Variants in KPNA5 observed in about 807,000 individuals in gnomAD.
The protein encoded by KPNA5 is importin subunit alpha-6.
In KPNA5, 46 loss-of-function variants were observed where a neutral mutation model predicts 71.3. That is an observed-to-expected ratio of 0.65 (90% CI 0.51 to 0.83). The LOEUF is 0.83. KPNA5 is among the 40% of genes least tolerant of loss of function. The pLI is 0.00. For missense variants in KPNA5, 547 were observed against 628.3 expected (o/e 0.87, Z 1.38); for synonymous variants, 207 against 201.4 (o/e 1.03, Z -0.24).
At chr6:116,723,691 G>T (rs1779198405) in intron 9 of KPNA5, among the ~76,000 whole-genome samples, 1 of 151,754 alleles carries the variant, frequency 6.6e-6, no homozygotes, top group African/African-American at 2.4e-5. Context: ...GATAGTATTA[G>T]AAATACATCA....
chr6:116,683,949 C>T (rs1427390246), intron 1 of KPNA5, among the ~76,000 whole-genome samples: 1 of 106,758 alleles, frequency 9.4e-6, no homozygotes, highest in Non-Finnish European at 1.8e-5. Flanking sequence ...CTTGCTCTGT[C>T]TCCCAGGCTG....
chr6:116,686,983 T>G (rs981530213), intron 1 of KPNA5, among the ~76,000 whole-genome samples: 1 of 152,252 alleles, frequency 6.6e-6, no homozygotes, highest in African/African-American at 2.4e-5. Flanking sequence ...AACTTTGTTC[T>G]TTTTGCTTAG....
intron 1 of KPNA5, among the ~76,000 whole-genome samples, chr6:116,686,978 T>C (rs1777614199): frequency 6.6e-6 from 1 of 152,230 alleles, no homozygotes; most frequent in Non-Finnish European, 1.5e-5. Context: ...CCTCCAACTT[T>C]GTTCTTTTTG....
At chr6:116,688,121 C>CT (rs1647848064) in intron 1 of KPNA5, among the ~76,000 whole-genome samples, 1 of 152,054 alleles carries the variant, frequency 6.6e-6, no homozygotes, top group African/African-American at 2.4e-5. Flanking sequence ...TTTCTCTTTC[C>CT]TGTTTTTCCT....
chr6:116,728,178 C>T (rs1458305772), intron 12 of KPNA5, among the ~76,000 whole-genome samples: 1 of 151,678 alleles, frequency 6.6e-6, no homozygotes, highest in Non-Finnish European at 1.5e-5. Flanking sequence ...AAATGAAGAC[C>T]CTTCCTTTGT....
At chr6:116,695,839 A>T (rs1363979045) in intron 4 of KPNA5, among the ~76,000 whole-genome samples, 3 of 152,142 alleles carry the variant, frequency 2.0e-5, no homozygotes, top group Non-Finnish European at 4.4e-5. Flanking sequence ...TTATTTTGAC[A>T]TACATGTCAT....
rs556747063 is a variant in KPNA5, at chr6:116,681,463, G to T, written c.4+125G>T. On this transcript the variant is annotated intron_variant, in intron 1 of 13. Coordinates refer to ENST00000368564, the MANE Select transcript of KPNA5 (RefSeq NM_001366306.2). ...TTTGCGAAGGTCTCTGGAACCTGGCGGTGCCGGGTGTTTCTCGTGTTTTCC... is the reference window on the plus strand; with the variant it reads ...TTTGCGAAGGTCTCTGGAACCTGGCTGTGCCGGGTGTTTCTCGTGTTTTCC... 1,268 of 1,406,666 alleles carry T rather than the reference G, an allele frequency of 9.0e-4. 3 individuals carry two copies. Among genetic ancestry groups the T allele is most frequent in the Admixed American group, 1.4e-3 (42 of 29,606 alleles). The allele number at this position is 1,406,666 out of a possible 1,614,324, so 87.1% of individuals were successfully genotyped here.
chr6:116,724,501 C>G (rs888687108), intron 10 of KPNA5, 126 bp downstream of exon 10: 2 of 606,688 alleles, frequency 3.3e-6, no homozygotes, highest in Non-Finnish European at 6.0e-6. Context: ...GTGTCTGTAT[C>G]TGTGTCTTGG....
intron 5 of KPNA5, 148 bp downstream of exon 5, chr6:116,698,946 T>G: frequency 2.2e-6 from 1 of 452,496 alleles, no homozygotes; most frequent in Non-Finnish European, 3.9e-6. Context: ...TATCTTGTCT[T>G]GGACACGGTT....
chr6:116,691,310 G>A (rs1356395341), intron 2 of KPNA5, among the ~76,000 whole-genome samples: 1 of 152,104 alleles, frequency 6.6e-6, no homozygotes, highest in Non-Finnish European at 1.5e-5. Context: ...TAAGAGATGG[G>A]GTCTTGCTGT....
At chr6:116,694,880 T>C (rs1212502871) in intron 4 of KPNA5, among the ~76,000 whole-genome samples, 1 of 152,206 alleles carries the variant, frequency 6.6e-6, no homozygotes, top group Non-Finnish European at 1.5e-5. Flanking sequence ...GAATACACTG[T>C]ATTAATTTAT....
At position 116,725,952 on chromosome 6, in the gene KPNA5, T is replaced by TA. The variant is rs1193056580; in HGVS notation, c.1125+82dup. On this transcript the variant is annotated intron_variant, in intron 11 of 13. Coordinates refer to ENST00000368564, the MANE Select transcript of KPNA5 (RefSeq NM_001366306.2). ...TTTGGACAAAAGTTAACACTTTTAC[T>TA]AAAAAAGATTCCTTTTTAAAAAGAT... 6.1e-6 allele frequency: 9 copies of TA among 1,476,936 alleles called. No homozygotes were observed. In the South Asian group the frequency reaches 9.0e-5, roughly 15 times the overall value. 91.5% of individuals were successfully genotyped at this position (1,476,936 alleles called of 1,614,324 possible).
At chr6:116,722,788 A>G (rs1054836993) in intron 9 of KPNA5, among the ~76,000 whole-genome samples, 7 of 152,354 alleles carry the variant, frequency 4.6e-5, no homozygotes, top group African/African-American at 1.7e-4. Context: ...CAGCTTTTCT[A>G]TACAAAGAAG....
At chr6:116,684,623 T>C (rs1178488529) in intron 1 of KPNA5, among the ~76,000 whole-genome samples, 1 of 152,226 alleles carries the variant, frequency 6.6e-6, no homozygotes, top group Non-Finnish European at 1.5e-5. Flanking sequence ...TTTCTTTTGC[T>C]CTTGCCTTTT....
chr6:116,692,219 C>T, intron 3 of KPNA5, 63 bp downstream of exon 3: 1 of 1,433,314 alleles, frequency 7.0e-7, no homozygotes. Flanking sequence ...GTATGTATAA[C>T]AAATATTTAT....
chr6:116,710,477 TA>T (rs1214576496), intron 7 of KPNA5, among the ~76,000 whole-genome samples: 2 of 152,170 alleles, frequency 1.3e-5, no homozygotes, highest in Non-Finnish European at 2.9e-5. Context: ...CAATGTGAAA[TA>T]AGCACATAAT....
At chr6:116,689,038 G>C (rs1777694465) in intron 1 of KPNA5, among the ~76,000 whole-genome samples, 1 of 152,152 alleles carries the variant, frequency 6.6e-6, no homozygotes, top group East Asian at 1.9e-4. Flanking sequence ...GGGCTAGGGA[G>C]ACAGGAAAGG....
intron 1 of KPNA5, among the ~76,000 whole-genome samples, chr6:116,687,318 T>A (rs893363633): frequency 2.6e-5 from 4 of 152,198 alleles, no homozygotes; most frequent in African/African-American, 9.6e-5. Context: ...CTACATGCTG[T>A]ATGAATCCAC....
At chr6:116,699,429 A>G (rs922428264) in intron 5 of KPNA5, among the ~76,000 whole-genome samples, 3 of 152,178 alleles carry the variant, frequency 2.0e-5, no homozygotes, top group African/African-American at 7.2e-5. Flanking sequence ...TTGGAATTTT[A>G]TCTATGTATC....
Sources: allele counts gnomAD v4.1 joint callset (sites outside exome capture counted in the v4.1 genomes callset), GRCh38; gene constraint gnomAD v4.1.1; transcripts MANE v1.5; gene names NCBI Gene and HGNC (gene_info 2026-07-23, HGNC 2026-07-21).